Variants in TMTC1 observed in about 807,000 individuals in gnomAD.
TMTC1 encodes the protein protein O-mannosyl-transferase TMTC1.
TMTC1 carries 73 observed loss-of-function variants against 104.8 expected under a neutral mutation model. The observed-to-expected ratio is 0.70, with a 90% CI of 0.58 to 0.85. The LOEUF (loss-of-function observed/expected upper bound fraction) is 0.85, where lower values mean the gene tolerates loss of function less well. TMTC1 is among the 40% of genes least tolerant of loss of function. TMTC1 has a pLI of 0.00. For missense variants in TMTC1, 1,035 were observed against 1,096.1 expected, an observed-to-expected ratio of 0.94 and a Z score of 0.79; for synonymous variants, 434 against 428.7, an observed-to-expected ratio of 1.01 and a Z score of -0.15.
At chr12:29,597,171 A>G (rs985882687) in intron 7 of TMTC1, among the ~76,000 whole-genome samples, 12 of 149,352 alleles carry the variant, frequency 8.0e-5, no homozygotes, top group Non-Finnish European at 1.2e-4. Context: ...TGACGTTCCT[A>G]GTGGCTGCTT....
chr12:29,749,661 C>T (rs1166356320), intron 5 of TMTC1, among the ~76,000 whole-genome samples: 1 of 152,180 alleles, frequency 6.6e-6, no homozygotes, highest in Admixed American at 6.5e-5. Context: ...TTCCTCTTCC[C>T]TTTTCCTTGG....
chr12:29,506,768 T>C lies in TMTC1; in HGVS notation c.*78A>G. 6.4e-7 allele frequency: 1 copy of C among 1,557,266 alleles called. No homozygotes were observed. Among genetic ancestry groups the C allele is most frequent in the African/African-American group, 1.4e-5 (1 of 73,854 alleles). On this transcript the variant is annotated 3_prime_UTR_variant, in exon 18 of 18. Coordinates refer to ENST00000539277, the MANE Select transcript of TMTC1 (RefSeq NM_001193451.2). ...AAAATCTCATTAGTTGTGCCCCTGC[T>C]GATGTGAAAGCAAGGCTTCCATCAC...
Position 29,506,719 on chromosome 12 carries a change from G to T in TMTC1, c.*127C>A. ...GCTACCAGCAGATGTCCCAAAATGT[G>T]TCACCCTGAACTCGGAATGAGAGAA... is the stretch of plus-strand genomic sequence containing the variant. On this transcript the variant is annotated 3_prime_UTR_variant, in exon 18 of 18. Coordinates refer to ENST00000539277, the MANE Select transcript of TMTC1 (RefSeq NM_001193451.2). 1 of 1,245,940 alleles carries T rather than the reference G, an allele frequency of 8.0e-7. No homozygotes were observed. The highest frequency in any genetic ancestry group is 2.3e-5 in the East Asian group (1 of 42,684). The allele number at this position is 1,245,940 out of a possible 1,614,324, so 77.2% of individuals were successfully genotyped here.
At chr12:29,736,435 T>C (rs1320914893) in intron 5 of TMTC1, among the ~76,000 whole-genome samples, 1 of 152,176 alleles carries the variant, frequency 6.6e-6, no homozygotes, top group Non-Finnish European at 1.5e-5. Context: ...CTCTCTTTTT[T>C]TTAAGACAGA....
intron 7 of TMTC1, among the ~76,000 whole-genome samples, chr12:29,584,588 C>A (rs1291276794): frequency 6.6e-6 from 1 of 152,060 alleles, no homozygotes; most frequent in Non-Finnish European, 1.5e-5. Flanking sequence ...GCTAGCCCGC[C>A]CCGCTTCCCC....
chr12:29,707,397 C>T (rs1166039756), intron 5 of TMTC1, among the ~76,000 whole-genome samples: 1 of 152,166 alleles, frequency 6.6e-6, no homozygotes, highest in African/African-American at 2.4e-5. Flanking sequence ...CCCTGCCAGC[C>T]CCTTCAACCC....
chr12:29,659,822 A>T, intron 5 of TMTC1: 1 of 1,307,996 alleles, frequency 7.6e-7, no homozygotes, highest in Non-Finnish European at 1.0e-6. Context: ...CCTGTAATTT[A>T]AGATTACTCA....
At chr12:29,732,826 C>T (rs895673787) in intron 5 of TMTC1, among the ~76,000 whole-genome samples, 1 of 152,116 alleles carries the variant, frequency 6.6e-6, no homozygotes, top group African/African-American at 2.4e-5. Flanking sequence ...GGCCACTCCC[C>T]ACATCCCCTT....
chr12:29,528,931 A>G (rs78150452), intron 11 of TMTC1, among the ~76,000 whole-genome samples: 1 of 152,096 alleles, frequency 6.6e-6, no homozygotes, highest in African/African-American at 2.4e-5. Context: ...AATAGCGAGA[A>G]TAGTGGCATT....
chr12:29,702,642 T>C (rs1024897453), intron 5 of TMTC1, among the ~76,000 whole-genome samples: 5 of 152,100 alleles, frequency 3.3e-5, no homozygotes, highest in Admixed American at 2.6e-4. Flanking sequence ...CAGTGCACAC[T>C]CAATGGGAAC....
chr12:29,535,981 A>G (rs903641999), intron 11 of TMTC1: 17 of 512,856 alleles, frequency 3.3e-5, no homozygotes, highest in African/African-American at 3.2e-4. Flanking sequence ...GAGAGAGAAT[A>G]TATCAATGGC....
At chr12:29,538,425 T>C (rs1463438539) in intron 10 of TMTC1, among the ~76,000 whole-genome samples, 1 of 152,184 alleles carries the variant, frequency 6.6e-6, no homozygotes, top group African/African-American at 2.4e-5. Context: ...ATAACATTAA[T>C]TTGGAAATCC....
chr12:29,583,308 G>T, intron 8 of TMTC1, 99 bp downstream of exon 8: 1 of 1,127,200 alleles, frequency 8.9e-7, no homozygotes. Context: ...ATTTTCCTTA[G>T]TAAATACTGC....
intron 5 of TMTC1, among the ~76,000 whole-genome samples, chr12:29,684,011 T>C (rs1325112133): frequency 6.6e-6 from 1 of 152,132 alleles, no homozygotes; most frequent in Non-Finnish European, 1.5e-5. Context: ...GCCCAGCTAA[T>C]GTTTTATATT....
Position 29,783,906 on chromosome 12 carries a change from C to A in TMTC1, c.-155G>T, listed in dbSNP as rs964680707. The stretch of plus-strand genomic sequence containing the variant: ...CCGCGAGCTCCCCGCGCTCCGCCGC[C>A]GCCTGCGCCGCGGAGTTGGCCCAGC... On this transcript the variant is annotated 5_prime_UTR_variant, in exon 1 of 18. Transcript: ENST00000539277. The surrounding 1 kb of genome is among the most constrained non-coding windows in gnomAD (Gnocchi z 4.7). 2.6e-5 allele frequency: 18 copies of A among 697,568 alleles called. No individual in the cohort carries two copies. Among genetic ancestry groups the A allele is most frequent in the Middle Eastern group, 6.6e-4 (1 of 1,504 alleles). 43.2% of individuals were successfully genotyped at this position (697,568 alleles called of 1,614,324 possible). A position where few individuals can be genotyped will look rare whatever the true frequency, so the allele number is the denominator to read the frequency against.
chr12:29,647,480 A>G (rs1296869211), intron 5 of TMTC1, among the ~76,000 whole-genome samples: 1 of 152,198 alleles, frequency 6.6e-6, no homozygotes, highest in Non-Finnish European at 1.5e-5. Flanking sequence ...GGTTATTATG[A>G]GATAGCCCCA....
At chr12:29,623,878 T>TA (rs1937824695) in intron 6 of TMTC1, among the ~76,000 whole-genome samples, 1 of 151,550 alleles carries the variant, frequency 6.6e-6, no homozygotes, top group Admixed American at 6.6e-5. Flanking sequence ...ATGCATGTCT[T>TA]ACAAATCTCT....
rs187979263 is a variant in TMTC1 at position 29,504,982 on chromosome 12, T to C, written c.*1864A>G. 1 of 152,322 alleles carries C rather than the reference T, an allele frequency of 6.6e-6. No homozygotes were observed. The highest frequency in any genetic ancestry group is 6.5e-5 in the Admixed American group (1 of 15,298). 9.4% of individuals were successfully genotyped at this position (152,322 alleles called of 1,614,324 possible). On this transcript the variant is annotated 3_prime_UTR_variant, in exon 18 of 18. Transcript: ENST00000539277. ...GAAGAATAGTTCTTAATTAAGGTTG[T>C]GGATACATTTATGTTATATAACATG...
At chr12:29,577,717 C>T (rs1464145774) in intron 8 of TMTC1, among the ~76,000 whole-genome samples, 5 of 152,006 alleles carry the variant, frequency 3.3e-5, no homozygotes, top group African/African-American at 1.2e-4. Flanking sequence ...TAGTTCTTTT[C>T]GGGGGTGGGT....
Sources: gnomAD v4.1 joint callset for allele counts (sites outside exome capture counted in the v4.1 genomes callset) on GRCh38, gnomAD v4.1.1 for gene constraint, Gnocchi (gnomAD v3.1) non-coding constraint, MANE v1.5 for transcripts, NCBI Gene and HGNC (gene_info 2026-07-23, HGNC 2026-07-21) for gene names.